The following MID1 variants were observed in gnomAD, a reference collection of about 807,000 sequenced individuals.
The protein encoded by MID1 is E3 ubiquitin-protein ligase Midline-1.
Under a neutral mutation model 40.4 loss-of-function variants are expected in MID1, and 7 were observed. That is an observed-to-expected ratio of 0.17 (90% CI 0.10 to 0.33). The LOEUF (loss-of-function observed/expected upper bound fraction) is 0.33, where lower values mean the gene tolerates loss of function less well. Ranked by LOEUF, MID1 falls within the 10% of genes least tolerant of loss-of-function variation. MID1 has a pLI of 1.00. For synonymous variants in MID1, 229 were observed against 221.2 expected, an observed-to-expected ratio of 1.04 and a Z score of -0.31; for missense variants, 367 against 558.5, an observed-to-expected ratio of 0.66 and a Z score of 3.46.
intron 1 of MID1, among the ~76,000 whole-genome samples, chrX:10,746,708 G>C (rs2043559804): frequency 9.0e-6 from 1 of 110,506 alleles, no homozygotes; most frequent in Admixed American, 9.7e-5. Flanking sequence ...TCCTCCACTT[G>C]TCTTATGCCC....
At chrX:10,719,950 G>A (rs1270589775) in intron 1 of MID1, among the ~76,000 whole-genome samples, 1 of 111,694 alleles carries the variant, frequency 9.0e-6, no homozygotes, top group Non-Finnish European at 1.9e-5. Flanking sequence ...AATGGGGAAA[G>A]GATTCCCTAT....
intron 1 of MID1, among the ~76,000 whole-genome samples, chrX:10,781,190 G>A (rs111457764): frequency 0.043 from 4,864 of 112,084 alleles, 235 homozygotes; most frequent in African/African-American, 0.15. Flanking sequence ...TTGTGAATAT[G>A]TGGGTTTTCA....
At chrX:10,559,567 T>C (rs1934251853) in intron 2 of MID1, among the ~76,000 whole-genome samples, 1 of 112,603 alleles carries the variant, frequency 8.9e-6, no homozygotes, top group Non-Finnish European at 1.9e-5. Context: ...GAATAACTGA[T>C]AACAGGGATT....
chrX:10,642,103 G>A lies in MID1; in HGVS notation c.-186-21684C>T, dbSNP rs1285870941. 4.5e-5 allele frequency among the ~76,000 whole-genome samples: 5 copies of A among 111,821 alleles called. No individual in the cohort carries two copies. The East Asian group carries it at 1.4e-3, about 31-fold the overall frequency. On this transcript the variant is annotated intron_variant, in intron 1 of 10. Transcript: ENST00000380785. ...CTGGACGCATTCCCTTTGAAAACTGGCACAAGACAGGGATGCCCTCTCTCA... is the reference window on the plus strand; with the variant it reads ...CTGGACGCATTCCCTTTGAAAACTGACACAAGACAGGGATGCCCTCTCTCA...
At chrX:10,753,335 C>T (rs192438497) in intron 1 of MID1, among the ~76,000 whole-genome samples, 75 of 110,778 alleles carry the variant, frequency 6.8e-4, no homozygotes, top group African/African-American at 2.4e-3. Flanking sequence ...GCCTTAAATG[C>T]CTGCTGTGTT....
intron 1 of MID1, among the ~76,000 whole-genome samples, chrX:10,816,552 G>T (rs1048825393): frequency 3.6e-5 from 4 of 111,576 alleles, no homozygotes; most frequent in African/African-American, 1.3e-4. Flanking sequence ...AGAAGATGAG[G>T]GTTTTGTTTG....
chrX:10,561,399 A>G (rs986610447), intron 2 of MID1, among the ~76,000 whole-genome samples: 1 of 107,249 alleles, frequency 9.3e-6, no homozygotes, highest in African/African-American at 3.7e-5. Flanking sequence ...GCTTCTGCAC[A>G]GCAAAAGAAA....
intron 1 of MID1, among the ~76,000 whole-genome samples, chrX:10,735,332 C>T (rs768143990): frequency 8.9e-6 from 1 of 112,202 alleles, no homozygotes; most frequent in African/African-American, 3.2e-5. Context: ...AAACTCCCAA[C>T]CTCAGGTGAT....
At chrX:10,745,784 T>G (rs779583715) in intron 1 of MID1, among the ~76,000 whole-genome samples, 1 of 112,349 alleles carries the variant, frequency 8.9e-6, no homozygotes, top group South Asian at 3.7e-4. Context: ...GTATGAAGAA[T>G]TGTTATTATT....
chrX:10,601,819 CT>C (rs1473213779), intron 1 of MID1, among the ~76,000 whole-genome samples: 1 of 111,358 alleles, frequency 9.0e-6, no homozygotes, highest in Non-Finnish European at 1.9e-5. Flanking sequence ...AAGCCTACCC[CT>C]GTTCCCTAGG....
intron 1 of MID1, among the ~76,000 whole-genome samples, chrX:10,704,765 CAGAG>C (rs1555916259): frequency 8.6e-4 from 79 of 91,614 alleles, no homozygotes; most frequent in Non-Finnish European, 1.3e-3. Context: ...CACACACACA[CAGAG>C]AGAGAGAGAG....
intron 3 of MID1, among the ~76,000 whole-genome samples, chrX:10,522,223 G>A (rs1932746540): frequency 9.0e-6 from 1 of 111,644 alleles, no homozygotes; most frequent in African/African-American, 3.3e-5. Flanking sequence ...AAGGAAATTT[G>A]GACACATATT....
rs1936224305 is a variant in MID1, at chrX:10,643,350, C to T, written c.-186-22931G>A. Among the ~76,000 whole-genome samples the T allele has an allele frequency of 3.6e-5, 4 of 111,583 alleles. No individual in the cohort carries two copies. In the South Asian group the frequency reaches 1.5e-3, roughly 42 times the overall value. On this transcript the variant is annotated intron_variant, in intron 1 of 10. Transcript: ENST00000380785. The stretch of plus-strand genomic sequence containing the variant: ...TCAAACAGCCCCATCAAAAAGTGGG[C>T]AAAGGATATGAACAGACACTTCTCA...
At chrX:10,829,353 T>C (rs997204182) in intron 1 of MID1, among the ~76,000 whole-genome samples, 4 of 111,952 alleles carry the variant, frequency 3.6e-5, no homozygotes, top group African/African-American at 1.3e-4. Context: ...AATTTCATTT[T>C]TGTCTCAAGT....
intron 7 of MID1, among the ~76,000 whole-genome samples, chrX:10,463,532 C>T (rs773168551): frequency 8.9e-6 from 1 of 112,567 alleles, no homozygotes; most frequent in Admixed American, 9.4e-5. Flanking sequence ...CAAGGAAAGC[C>T]TTTCACATAC....
chrX:10,609,715 C>CTTTTTTTTT (rs138559299), intron 1 of MID1, among the ~76,000 whole-genome samples: 28 of 86,401 alleles, frequency 3.2e-4, no homozygotes, highest in African/African-American at 4.8e-4. Context: ...TTCTTTCTTT[C>CTTTTTTTTT]TTTTTTTTTT....
At chrX:10,612,991 C>T (rs1025102871) in intron 1 of MID1, among the ~76,000 whole-genome samples, 1 of 112,145 alleles carries the variant, frequency 8.9e-6, no homozygotes, top group African/African-American at 3.2e-5. Flanking sequence ...GTACAGAAGA[C>T]TTGATCCTAT....
At chrX:10,461,138 TACAC>T (rs200040870) in intron 7 of MID1, among the ~76,000 whole-genome samples, 34 of 96,785 alleles carry the variant, frequency 3.5e-4, no homozygotes, top group East Asian at 1.9e-3. Context: ...TATCTAAAGA[TACAC>T]ACACACACAC....
At chrX:10,775,127 C>T (rs1281246872) in intron 1 of MID1, among the ~76,000 whole-genome samples, 1 of 46,844 alleles carries the variant, frequency 2.1e-5, no homozygotes, top group African/African-American at 9.2e-5. Flanking sequence ...AAAGGAGGGG[C>T]GAGGGAGGAG....
Sources: allele counts gnomAD v4.1 joint callset (sites outside exome capture counted in the v4.1 genomes callset), GRCh38; gene constraint gnomAD v4.1.1; transcripts MANE v1.5; gene names NCBI Gene and HGNC (gene_info 2026-07-23, HGNC 2026-07-21).